The following SATB2 variants were observed in gnomAD, a reference collection of about 807,000 sequenced individuals.
SATB2 encodes SATB homeobox 2, also known as DNA-binding protein SATB2.
A neutral mutation model predicts 73.4 loss-of-function variants in SATB2; 1 was observed. That is an observed-to-expected ratio of 0.01 (90% CI 0.00 to 0.06). The LOEUF is 0.06. Among genes scored for constraint, SATB2 ranks in the 10% least tolerant of loss-of-function variants. The pLI is 1.00. For missense variants in SATB2, 459 were observed against 945.8 expected (o/e 0.49, Z 6.75); for synonymous variants, 397 against 367.0 (o/e 1.08, Z -0.93).
At chr2:199,462,887 G>A (rs999369864), upstream of SATB2, among the ~76,000 whole-genome samples, 1 of 152,056 alleles carries the variant, frequency 6.6e-6, no homozygotes, top group African/African-American at 2.4e-5. This position sits in a 1 kb window ranked among gnomAD's most constrained non-coding sequence, Gnocchi z 5.9. Context: ...GACCGTTCAG[G>A]AGCCGGGTGG....
At chr2:199,314,007 T>TC (rs1559156481) in intron 9 of SATB2, among the ~76,000 whole-genome samples, 1 of 152,200 alleles carries the variant, frequency 6.6e-6, no homozygotes, top group Non-Finnish European at 1.5e-5. Context: ...ATACTCAACT[T>TC]CTTTTCCCCA....
chr2:199,312,274 G>T (rs1046476790), intron 9 of SATB2, among the ~76,000 whole-genome samples: 1 of 152,190 alleles, frequency 6.6e-6, no homozygotes, highest in African/African-American at 2.4e-5. Context: ...AAGTTCATCT[G>T]GTTTCCAGCC....
At chr2:199,466,871 T>C (rs1401656281), upstream of SATB2, among the ~76,000 whole-genome samples, 1 of 152,282 alleles carries the variant, frequency 6.6e-6, no homozygotes. Flanking sequence ...CCAGACCCTG[T>C]GCCATCTCCC....
In SATB2 at chr2:199,271,486, G is replaced by A. The variant is rs753313213; in HGVS notation, c.*725C>T. On this transcript the variant is annotated 3_prime_UTR_variant, in exon 11 of 11. Coordinates refer to ENST00000417098, the MANE Select transcript of SATB2 (RefSeq NM_001172509.2). ...TTTCACTTCACTTTTTTTTTTTTCG[G>A]CAGTGTCGTTTATTTTGTTAAATAC... 1.4e-5 allele frequency: 2 copies of A among 147,500 alleles called. No homozygotes were observed. The highest frequency in any genetic ancestry group is 2.5e-5 in the African/African-American group (1 of 39,796). 9.1% of individuals were successfully genotyped at this position (147,500 alleles called of 1,614,324 possible).
At chr2:199,419,812 GCAT>G (rs1418190524) in intron 3 of SATB2, among the ~76,000 whole-genome samples, 7 of 152,072 alleles carry the variant, frequency 4.6e-5, no homozygotes, top group African/African-American at 1.7e-4. Flanking sequence ...TTTTCCAGAA[GCAT>G]CAAAGTATTT....
At chr2:199,294,862 A>G (rs1267119304) in intron 10 of SATB2, among the ~76,000 whole-genome samples, 1 of 152,226 alleles carries the variant, frequency 6.6e-6, no homozygotes, top group Non-Finnish European at 1.5e-5. Flanking sequence ...AAGAGTTCAC[A>G]TCATAGATTT....
intron 10 of SATB2, among the ~76,000 whole-genome samples, chr2:199,281,701 T>A (rs1177698556): frequency 2.0e-5 from 3 of 152,068 alleles, no homozygotes; most frequent in African/African-American, 4.8e-5. Flanking sequence ...GACAATTAAT[T>A]TTGGCCCAAA....
intron 3 of SATB2, among the ~76,000 whole-genome samples, chr2:199,392,547 A>T (rs1469489604): frequency 1.3e-5 from 2 of 152,190 alleles, no homozygotes; most frequent in Non-Finnish European, 2.9e-5. Context: ...CTACAGCCCC[A>T]TAAAATGAGG....
intron 3 of SATB2, among the ~76,000 whole-genome samples, chr2:199,386,685 C>A (rs562046705): frequency 2.1e-5 from 2 of 95,720 alleles, no homozygotes; most frequent in African/African-American, 1.2e-4. Flanking sequence ...ATATTTCATA[C>A]ACGTGCGCAA....
intron 10 of SATB2, among the ~76,000 whole-genome samples, chr2:199,303,785 C>T (rs1486825823): frequency 1.3e-5 from 2 of 152,116 alleles, no homozygotes; most frequent in Admixed American, 6.6e-5. Flanking sequence ...AGAAGCAACC[C>T]AGACAAGTCA....
intron 9 of SATB2, among the ~76,000 whole-genome samples, chr2:199,312,674 A>AAGC (rs1687627587): frequency 6.6e-6 from 1 of 152,184 alleles, no homozygotes; most frequent in Admixed American, 6.5e-5. Context: ...CTGTCAGAAA[A>AAGC]AGCAGATAGT....
At chr2:199,437,456 A>C (rs935757771) in intron 2 of SATB2, among the ~76,000 whole-genome samples, 1 of 152,228 alleles carries the variant, frequency 6.6e-6, no homozygotes, top group African/African-American at 2.4e-5. Flanking sequence ...AGTGTGTATA[A>C]TTTATAAAGC....
chr2:199,454,826 A>G (rs1553507209), intron 2 of SATB2, among the ~76,000 whole-genome samples: 2 of 152,342 alleles, frequency 1.3e-5, no homozygotes, highest in Non-Finnish European at 2.9e-5. Flanking sequence ...TACACACAAT[A>G]GACACTTACA....
At position 199,308,584 on chromosome 2, in the gene SATB2, A is replaced by ACACACGCACG. The variant is rs1559153808; in HGVS notation, c.1740+175_1740+176insCGTGCGTGTG. On this transcript the variant is annotated intron_variant, in intron 10 of 10. Transcript: ENST00000417098. The surrounding 1 kb of genome is among the most constrained non-coding windows in gnomAD (Gnocchi z 4.6). ...CACACGCACGCACATGCACACACAC[A>ACACACGCACG]CACATACACATACACACAGTACCCA... 6.6e-6 allele frequency among the ~76,000 whole-genome samples: 1 copy of ACACACGCACG among 151,622 alleles called. No homozygotes were observed.
chr2:199,314,707 T>TA (rs1453306137), intron 9 of SATB2, among the ~76,000 whole-genome samples: 3 of 152,078 alleles, frequency 2.0e-5, no homozygotes, highest in Non-Finnish European at 4.4e-5. Context: ...TCTTGGAAGA[T>TA]AAAGATAGAT....
chr2:199,320,725 A>G (rs1687861386), intron 9 of SATB2, among the ~76,000 whole-genome samples: 1 of 152,022 alleles, frequency 6.6e-6, no homozygotes, highest in Admixed American at 6.6e-5. Context: ...CTACTTAAAC[A>G]CTTACAGCCC....
At chr2:199,449,035 T>C (rs1692049426) in intron 2 of SATB2, among the ~76,000 whole-genome samples, 1 of 152,216 alleles carries the variant, frequency 6.6e-6, no homozygotes, top group East Asian at 1.9e-4. Flanking sequence ...AGTTTGCTGA[T>C]AACTTTATTG....
chr2:199,323,919 C>T lies in SATB2; in HGVS notation c.1426G>A (p.Val476Met), dbSNP rs759458466. 6 of 1,613,414 alleles carry T rather than the reference C, an allele frequency of 3.7e-6. No homozygotes were observed. The highest frequency in any genetic ancestry group is 5.1e-6 in the Non-Finnish European group (6 of 1,179,558). Residue 476 changes from valine (V) to methionine (M), a missense_variant, in exon 9 of 11, where the codon GTG becomes ATG. Coordinates refer to ENST00000417098, the MANE Select transcript of SATB2 (RefSeq NM_001172509.2). ...STPTTDLPIK[V>M]DGANINITAA... ...GTGATGTTGATGTTGGCGCCGTCCA[C>T]CTTAATAGGGAGGTCTGTTGTCGGT...
At chr2:199,343,733 C>G (rs1474997961) in intron 7 of SATB2, among the ~76,000 whole-genome samples, 2 of 152,186 alleles carry the variant, frequency 1.3e-5, no homozygotes, top group African/African-American at 4.8e-5. Context: ...AGGAAATACT[C>G]ATACATTCCT....
Sources: gnomAD v4.1 joint callset for allele counts (sites outside exome capture counted in the v4.1 genomes callset) on GRCh38, gnomAD v4.1.1 for gene constraint, Gnocchi (gnomAD v3.1) non-coding constraint, MANE v1.5 for transcripts, NCBI Gene and HGNC (gene_info 2026-07-23, HGNC 2026-07-21) for gene names.